Variants in DAB1 observed in about 807,000 individuals in gnomAD.
DAB1 encodes the protein disabled homolog 1.
A neutral mutation model predicts 64.6 loss-of-function variants in DAB1; 15 were observed. The observed-to-expected ratio is 0.23, with a 90% confidence interval of 0.16 to 0.36. DAB1 has a LOEUF of 0.36. Ranked by LOEUF, DAB1 falls within the 10% of genes least tolerant of loss-of-function variation. The pLI, the probability that DAB1 is intolerant of heterozygous loss-of-function variation, is 1.00. For synonymous variants in DAB1, 235 were observed against 251.9 expected, an observed-to-expected ratio of 0.93 and a Z score of 0.64; for missense variants, 596 against 706.7, an observed-to-expected ratio of 0.84 and a Z score of 1.78.
At chr1:57,051,446 TTGTGG>T (rs1239179615) in intron 9 of DAB1, among the ~76,000 whole-genome samples, 1 of 151,792 alleles carries the variant, frequency 6.6e-6, no homozygotes, top group Admixed American at 6.6e-5. Flanking sequence ...AAGATGGGAG[TTGTGG>T]GGGGGAAGTA....
intron 7 of DAB1, among the ~76,000 whole-genome samples, chr1:57,518,188 GTCATCATCA>G (rs146349545): frequency 2.9e-3 from 439 of 151,604 alleles, no homozygotes; most frequent in Middle Eastern, 6.8e-3. Flanking sequence ...TGTCGTTGTC[GTCATCATCA>G]TCATCATCAT....
chr1:57,743,795 G>A (rs1305956946), intron 6 of DAB1, among the ~76,000 whole-genome samples: 1 of 152,216 alleles, frequency 6.6e-6, no homozygotes, highest in Non-Finnish European at 1.5e-5. Flanking sequence ...CTTCAGAGCT[G>A]AGAGCCCCTA....
intron 5 of DAB1, among the ~76,000 whole-genome samples, chr1:58,126,610 C>T (rs564552358): frequency 4.5e-5 from 6 of 132,850 alleles, no homozygotes; most frequent in African/African-American, 1.7e-4. Context: ...TCCCCCCCTA[C>T]CCCCCACCCC....
chr1:58,319,320 G>C (rs1404659066), intron 4 of DAB1, among the ~76,000 whole-genome samples: 1 of 152,072 alleles, frequency 6.6e-6, no homozygotes, highest in African/African-American at 2.4e-5. Context: ...TTACTTTTCT[G>C]CTTCCTATTT....
chr1:57,187,871 T>A (rs1663737536), intron 2 of DAB1, among the ~76,000 whole-genome samples: 1 of 150,576 alleles, frequency 6.6e-6, no homozygotes, highest in African/African-American at 2.5e-5. Flanking sequence ...AAAAGAGAGA[T>A]CCCCCACAAA....
At chr1:57,661,808 T>A (rs1288157932) in intron 6 of DAB1, among the ~76,000 whole-genome samples, 1 of 152,242 alleles carries the variant, frequency 6.6e-6, no homozygotes, top group Non-Finnish European at 1.5e-5. Context: ...TTGTTATTTT[T>A]ATTTTTTTAA....
intron 14 of DAB1, 111 bp downstream of exon 14, chr1:57,010,569 G>A: frequency 1.8e-6 from 1 of 544,266 alleles, no homozygotes; most frequent in East Asian, 3.0e-5. Flanking sequence ...ATACAGCTCA[G>A]GCAAGGAGAC....
intron 5 of DAB1, among the ~76,000 whole-genome samples, chr1:58,046,680 G>A (rs1229034724): frequency 6.6e-6 from 1 of 152,114 alleles, no homozygotes; most frequent in East Asian, 1.9e-4. Flanking sequence ...TCTCTACTAT[G>A]CCATGAGCTT....
chr1:57,863,074 C>T (rs1267846262), intron 1 of DAB1: 2 of 152,068 alleles, frequency 1.3e-5, no homozygotes, highest in South Asian at 4.1e-4. Flanking sequence ...TATATCCATA[C>T]AATTAAGTAC....
chr1:58,294,817 C>T (rs544616540), intron 4 of DAB1, among the ~76,000 whole-genome samples: 17 of 150,252 alleles, frequency 1.1e-4, no homozygotes, highest in African/African-American at 4.1e-4. Context: ...AGCTAGCATG[C>T]GGGATTTACA....
chr1:58,486,346 G>A (rs1020225905), intron 3 of DAB1, among the ~76,000 whole-genome samples: 9 of 152,254 alleles, frequency 5.9e-5, no homozygotes, highest in Middle Eastern at 3.4e-3. Flanking sequence ...AATTAAAACC[G>A]AAGACTCCTA....
intron 5 of DAB1, among the ~76,000 whole-genome samples, chr1:58,023,092 A>T (rs2100458126): frequency 6.6e-6 from 1 of 152,252 alleles, no homozygotes; most frequent in Non-Finnish European, 1.5e-5. Context: ...GCCCTTACAC[A>T]TGTTGTACCT....
At chr1:58,157,787 T>C (rs1329942431) in intron 4 of DAB1, among the ~76,000 whole-genome samples, 1 of 152,160 alleles carries the variant, frequency 6.6e-6, no homozygotes, top group Non-Finnish European at 1.5e-5. Flanking sequence ...TTCTACTTCA[T>C]TGCAACTATT....
intron 6 of DAB1, among the ~76,000 whole-genome samples, chr1:57,690,302 C>T (rs184186980): frequency 9.6e-4 from 146 of 152,190 alleles, no homozygotes; most frequent in Non-Finnish European, 6.0e-4. Context: ...ACACAAATCT[C>T]ATGTCAAATT....
rs189180295 is a variant in DAB1, at chr1:58,196,906, T to C, written n.310-46318A>G. Among the ~76,000 whole-genome samples, 325 of 152,328 alleles carry C rather than the reference T, an allele frequency of 2.1e-3. 4 individuals are homozygous for C. Among genetic ancestry groups the C allele is most frequent in the African/African-American group, 7.4e-3 (308 of 41,578 alleles). ...TCAGATATGGCAAAGAACATTCCTT[T>C]TCCTCCTGTGCACACAGCTAAACTA... On this transcript the variant is annotated intron_variant and non_coding_transcript_variant, in intron 4 of 20. Transcript: ENST00000485760.
chr1:57,438,985 G>A (rs1685803400), intron 7 of DAB1, among the ~76,000 whole-genome samples: 1 of 152,112 alleles, frequency 6.6e-6, no homozygotes, highest in Non-Finnish European at 1.5e-5. Flanking sequence ...CTCAGCTCTG[G>A]GTTGGAGCAT....
chr1:57,906,823 T>G (rs1050033181), intron 5 of DAB1, among the ~76,000 whole-genome samples: 4 of 152,162 alleles, frequency 2.6e-5, no homozygotes, highest in African/African-American at 7.2e-5. Context: ...AATTCTGCCC[T>G]TCTCTTGGTG....
chr1:57,498,662 C>A lies in DAB1; in HGVS notation n.625+150930G>T, dbSNP rs116580075. Among the ~76,000 whole-genome samples, 505 of 152,070 alleles carry A rather than the reference C, an allele frequency of 3.3e-3. 2 individuals are homozygous for A. The highest frequency in any genetic ancestry group is 6.8e-3 in the Middle Eastern group (2 of 294). On this transcript the variant is annotated intron_variant and non_coding_transcript_variant, in intron 7 of 20. Coordinates refer to the DAB1 transcript ENST00000485760. ...GATGCAATCAGAAGCCAGGTTAGGG[C>A]AGAATAACACGATTTGTAATGAGGA...
At chr1:57,985,318 A>G (rs1001239286) in intron 5 of DAB1, among the ~76,000 whole-genome samples, 2 of 152,156 alleles carry the variant, frequency 1.3e-5, no homozygotes, top group African/African-American at 4.8e-5. Flanking sequence ...TCTTTACAAG[A>G]TGGTATTCCT....
Sources: allele counts gnomAD v4.1 joint callset (sites outside exome capture counted in the v4.1 genomes callset), GRCh38; gene constraint gnomAD v4.1.1; transcripts MANE v1.5; gene names NCBI Gene and HGNC (gene_info 2026-07-23, HGNC 2026-07-21).